Variants in NGEF observed in about 807,000 individuals in gnomAD.
NGEF encodes neuronal guanine nucleotide exchange factor.
A neutral mutation model predicts 80.9 loss-of-function variants in NGEF; 31 were observed. The ratio of observed to expected loss-of-function variants is 0.38; its 90% CI spans 0.29 to 0.52. NGEF has a LOEUF of 0.52. Among genes scored for constraint, NGEF ranks in the 20% least tolerant of loss-of-function variants. The pLI is 0.84. For synonymous variants in NGEF, 371 were observed against 370.2 expected (o/e 1.00, Z -0.03); for missense variants, 709 against 926.2 (o/e 0.77, Z 3.04).
intron 3 of NGEF, among the ~76,000 whole-genome samples, chr2:232,968,093 C>CTTTTTTTTTTT (rs1274944227): frequency 0.038 from 4,703 of 125,198 alleles, 566 homozygotes; most frequent in African/African-American, 0.15. Context: ...ACAGACCTGG[C>CTTTTTTTTTTT]TTTTTTTTTT....
chr2:232,885,550 CA>C, intron 9 of NGEF, 181 bp from the exon 10 acceptor site: 2 of 592,420 alleles, frequency 3.4e-6, no homozygotes, highest in Non-Finnish European at 6.0e-6. Context: ...CCTTGTGGGG[CA>C]AAGGCAAGTG....
chr2:232,928,104 C>T (rs1404940342), intron 3 of NGEF: 3 of 1,052,590 alleles, frequency 2.9e-6, no homozygotes, highest in Non-Finnish European at 3.4e-6. Context: ...TCGCAGCGCG[C>T]GCGGCTCGAC....
intron 1 of NGEF, among the ~76,000 whole-genome samples, chr2:232,985,813 C>A (rs1029734180): frequency 2.0e-5 from 3 of 151,784 alleles, no homozygotes; most frequent in Non-Finnish European, 2.9e-5. Flanking sequence ...GTGGCGGGCA[C>A]CTGTAATTCC....
At chr2:232,939,032 G>C (rs1435339395) in intron 3 of NGEF, among the ~76,000 whole-genome samples, 1 of 151,988 alleles carries the variant, frequency 6.6e-6, no homozygotes, top group Admixed American at 6.6e-5. Flanking sequence ...ACAAAAATTA[G>C]CTGGGTATGG....
chr2:232,962,692 G>T (rs1420077970), intron 3 of NGEF, among the ~76,000 whole-genome samples: 3 of 151,984 alleles, frequency 2.0e-5, no homozygotes, highest in Non-Finnish European at 4.4e-5. Flanking sequence ...TAAAAAAGAT[G>T]AAATACCTAT....
intron 3 of NGEF, among the ~76,000 whole-genome samples, chr2:232,930,135 G>A (rs924582352): frequency 6.6e-6 from 1 of 152,074 alleles, no homozygotes; most frequent in African/African-American, 2.4e-5. Flanking sequence ...GTAATACAGG[G>A]TGTCATCAGA....
chr2:232,919,985 A>C (rs571259340), intron 5 of NGEF, among the ~76,000 whole-genome samples: 198 of 152,330 alleles, frequency 1.3e-3, no homozygotes, highest in African/African-American at 4.7e-3. Flanking sequence ...TTCACGCGTG[A>C]CGGAAATACA....
chr2:232,926,457 G>A (rs965511511), intron 4 of NGEF, among the ~76,000 whole-genome samples: 23 of 151,974 alleles, frequency 1.5e-4, no homozygotes, highest in African/African-American at 5.6e-4. Context: ...GCTGAGCCTC[G>A]GCTTCCCTTC....
rs1274944227 is a variant in NGEF, at chr2:232,968,093, C to CTTTTTTTTTTTTT, written c.383+2120_383+2121insAAAAAAAAAAAAA. 1.6e-3 allele frequency among the ~76,000 whole-genome samples: 196 copies of CTTTTTTTTTTTTT among 125,732 alleles called. 15 individuals carry two copies. The highest frequency in any genetic ancestry group is 6.0e-3 in the African/African-American group (179 of 29,628). 82.5% of individuals were successfully genotyped at this position (125,732 alleles called of 152,430 possible). On this transcript the variant is annotated intron_variant, in intron 3 of 14. Coordinates refer to ENST00000264051, the MANE Select transcript of NGEF (RefSeq NM_019850.3). ...TTGCTGAGGGCAGAAACAGACCTGGCTTTTTTTTTTTTGAGACAAAGTTTC... is the reference window on the plus strand; with the variant it reads ...TTGCTGAGGGCAGAAACAGACCTGGCTTTTTTTTTTTTTTTTTTTTTTTTTGAGACAAAGTTTC...
chr2:232,901,767 G>A (rs1692363201), intron 5 of NGEF, among the ~76,000 whole-genome samples: 1 of 152,270 alleles, frequency 6.6e-6, no homozygotes, highest in South Asian at 2.1e-4. Flanking sequence ...TTTGCCTGGA[G>A]GGAGGGAGGG....
intron 3 of NGEF, among the ~76,000 whole-genome samples, chr2:232,952,324 A>G (rs897438572): frequency 6.6e-6 from 1 of 152,240 alleles, no homozygotes. Context: ...ACGTGGCAAG[A>G]ACCATTTTAA....
intron 5 of NGEF, among the ~76,000 whole-genome samples, chr2:232,895,574 C>A (rs1341378432): frequency 6.6e-6 from 1 of 151,434 alleles, no homozygotes; most frequent in Non-Finnish European, 1.5e-5. Flanking sequence ...CGCACAGCTG[C>A]CAAGGGTGGC....
chr2:232,920,368 C>G lies in NGEF; in HGVS notation c.744G>C (p.Arg248Ser), dbSNP rs139590629. 533 of 1,614,120 alleles carry G rather than the reference C, an allele frequency of 3.3e-4. 1 individual carries two copies. The highest frequency in any genetic ancestry group is 4.3e-4 in the Non-Finnish European group (512 of 1,180,012). ...QICLLSNPHSRFNLWQDLPEI... is the reference protein window; with the variant it reads ...QICLLSNPHSSFNLWQDLPEI... ...CGGGAAGATCCTGCCAGAGGTTGAA[C>G]CTTGAGTGGGGGTTACTGAGCAGGC... The change falls in exon 5 of 15, where the codon AGG becomes AGC. Residue 248 changes from arginine (R) to serine (S), a missense_variant. By Grantham distance (110) the Arg-to-Ser change is moderately radical. Around this residue, in one of 2 missense-constraint regions of NGEF, gnomAD observed 426 missense variants for 622.9 expected, o/e 0.68. Coordinates refer to ENST00000264051, the MANE Select transcript of NGEF (RefSeq NM_019850.3).
At chr2:232,957,126 T>C (rs928100381) in intron 3 of NGEF, among the ~76,000 whole-genome samples, 8 of 151,872 alleles carry the variant, frequency 5.3e-5, no homozygotes, top group Non-Finnish European at 1.0e-4. Context: ...GTAAGGAAGA[T>C]TGAAAATTAA....
chr2:232,928,945 G>A (rs1011479597), intron 3 of NGEF, among the ~76,000 whole-genome samples: 1 of 152,110 alleles, frequency 6.6e-6, no homozygotes, highest in Non-Finnish European at 1.5e-5. Context: ...CCTACGGGCC[G>A]AGCCAAGCCG....
At chr2:232,925,900 G>A (rs1409088735) in intron 4 of NGEF, among the ~76,000 whole-genome samples, 1 of 152,124 alleles carries the variant, frequency 6.6e-6, no homozygotes, top group Non-Finnish European at 1.5e-5. Flanking sequence ...AGCCTGACAC[G>A]TGGAGGGGGC....
chr2:232,932,539 C>T lies in NGEF; in HGVS notation c.384-5353G>A, dbSNP rs908521727. 3.9e-5 allele frequency among the ~76,000 whole-genome samples: 6 copies of T among 152,258 alleles called. No homozygotes were observed. In the South Asian group the frequency reaches 1.2e-3, roughly 32 times the overall value. On this transcript the variant is annotated intron_variant, in intron 3 of 14. Coordinates refer to ENST00000264051, the MANE Select transcript of NGEF (RefSeq NM_019850.3). ...GCATGTGCCTCAAAACTCTTCTAGC[C>T]TCTACCCATTACCAAAGCCACTACC...
intron 3 of NGEF, among the ~76,000 whole-genome samples, chr2:232,964,491 G>A (rs1257344563): frequency 2.6e-5 from 4 of 152,138 alleles, no homozygotes; most frequent in Non-Finnish European, 5.9e-5. Context: ...TCAGGAGTTC[G>A]AGACCAGCCT....
Position 232,905,083 on chromosome 2 carries a change from C to T in NGEF, c.829-10167G>A, listed in dbSNP as rs140467533. On this transcript the variant is annotated intron_variant, in intron 5 of 14. Coordinates refer to ENST00000264051, the MANE Select transcript of NGEF (RefSeq NM_019850.3). ...TCTCCTCTCTCCTCTCCCCTCTCCC[C>T]TCTCCCCTCTCTCTCCTCTCACCTC... is the stretch of plus-strand genomic sequence containing the variant. Among the ~76,000 whole-genome samples, 907 of 152,182 alleles carry T rather than the reference C, an allele frequency of 6.0e-3. 8 individuals carry two copies. Among genetic ancestry groups the T allele is most frequent in the African/African-American group, 0.02 (851 of 41,514 alleles).
Sources: allele counts gnomAD v4.1 joint callset (sites outside exome capture counted in the v4.1 genomes callset), GRCh38; gene constraint gnomAD v4.1.1; regional missense constraint gnomAD v4.1.1; transcripts MANE v1.5; gene names NCBI Gene and HGNC (gene_info 2026-07-23, HGNC 2026-07-21).